PLA2R1: variants seen among roughly 807,000 people sequenced by gnomAD.
PLA2R1 encodes the protein secretory phospholipase A2 receptor.
A neutral mutation model predicts 195.9 loss-of-function variants in PLA2R1; 158 were observed. The ratio of observed to expected loss-of-function variants is 0.81; its 90% CI spans 0.71 to 0.92. PLA2R1 has a LOEUF of 0.92. PLA2R1 is among the 40% of genes least tolerant of loss of function. The pLI, the probability that PLA2R1 is intolerant of heterozygous loss-of-function variation, is 0.00. For synonymous variants in PLA2R1, 586 were observed against 598.2 expected (o/e 0.98, Z 0.30); for missense variants, 1,626 against 1,764.6 (o/e 0.92, Z 1.41).
intron 16 of PLA2R1, 132 bp from the exon 17 acceptor site, chr2:159,976,357 C>CAG: frequency 1.6e-6 from 1 of 638,674 alleles, no homozygotes. Flanking sequence ...AACACACACA[C>CAG]ACAGACACAT....
chr2:160,053,243 T>C (rs911083650), intron 1 of PLA2R1, among the ~76,000 whole-genome samples: 2 of 151,928 alleles, frequency 1.3e-5, no homozygotes, highest in African/African-American at 4.8e-5. Flanking sequence ...CTTATGAGTA[T>C]ACCAGTCATA....
intron 11 of PLA2R1, 84 bp downstream of exon 11, chr2:160,005,568 A>G: frequency 8.9e-7 from 1 of 1,119,350 alleles, no homozygotes. Context: ...ATTAAGAAAG[A>G]ATCAAAGGAG....
intron 28 of PLA2R1, among the ~76,000 whole-genome samples, chr2:159,943,775 A>C (rs1432429683): frequency 6.6e-6 from 1 of 150,896 alleles, no homozygotes; most frequent in Non-Finnish European, 1.5e-5. Context: ...ACTTGGGCAC[A>C]TTATTTATCA....
chr2:159,974,489 T>C (rs1399105425), intron 17 of PLA2R1, among the ~76,000 whole-genome samples: 6 of 152,168 alleles, frequency 3.9e-5, no homozygotes, highest in African/African-American at 4.8e-5. Context: ...TCTTTTTGGG[T>C]TGTATACTTT....
chr2:159,975,575 G>C (rs1363591209), intron 17 of PLA2R1, among the ~76,000 whole-genome samples: 2 of 152,010 alleles, frequency 1.3e-5, no homozygotes, highest in Admixed American at 6.6e-5. Context: ...CACCCCCCCA[G>C]GTATTCCTCA....
chr2:159,986,084 G>C (rs1398490036), intron 12 of PLA2R1, among the ~76,000 whole-genome samples: 1 of 152,006 alleles, frequency 6.6e-6, no homozygotes, highest in Admixed American at 6.6e-5. Flanking sequence ...CCTGAGCCTT[G>C]GGGGAATGGC....
At chr2:159,924,507 G>A in the PLA2R1 span, among the ~76,000 whole-genome samples, 1 of 152,114 alleles carries the variant, frequency 6.6e-6, no homozygotes, top group Non-Finnish European at 1.5e-5. Context: ...TGTCAGGAAA[G>A]GTGTTCAAAG....
rs3749117 is a variant in PLA2R1 at position 160,028,931 on chromosome 2, T to C, written c.874A>G (p.Met292Val). 0.45 allele frequency: 713,194 copies of C among 1,590,182 alleles called. 171,426 individuals are homozygous for C. The highest frequency in any genetic ancestry group is 0.5 in the Non-Finnish European group (578,803 of 1,157,796). ...TGTTCATCCAGCTGATTGAGGCCCATCCACACCTCCACTGTTTTACTGCTC... is the reference window on the plus strand; with the variant it reads ...TGTTCATCCAGCTGATTGAGGCCCACCCACACCTCCACTGTTTTACTGCTC... ...HMSSKTVEVWMGLNQLDEHAG... is the reference protein window; with the variant it reads ...HMSSKTVEVWVGLNQLDEHAG... Residue 292 changes from methionine to valine, a missense_variant, in exon 5 of 30, where the codon ATG becomes GTG. Coordinates refer to ENST00000283243, the MANE Select transcript of PLA2R1 (RefSeq NM_007366.5).
intron 1 of PLA2R1, among the ~76,000 whole-genome samples, chr2:160,061,064 CAAAA>C (rs985029178): frequency 2.0e-5 from 3 of 152,200 alleles, no homozygotes; most frequent in African/African-American, 7.2e-5. Context: ...AAGACTACCT[CAAAA>C]ATGTAGACAT....
intron 1 of PLA2R1, 88 bp from the exon 2 acceptor site, chr2:160,045,245 A>G (rs1271541732): frequency 2.0e-6 from 2 of 1,020,284 alleles, no homozygotes; most frequent in Non-Finnish European, 2.9e-6. Flanking sequence ...TCTAAGTGCG[A>G]TATGCGACAG....
chr2:160,058,778 C>T (rs1379260122), intron 1 of PLA2R1, among the ~76,000 whole-genome samples: 1 of 152,112 alleles, frequency 6.6e-6, no homozygotes, highest in Admixed American at 6.5e-5. Flanking sequence ...AGCAAAGGTC[C>T]CCCACCTTTT....
intron 8 of PLA2R1, among the ~76,000 whole-genome samples, chr2:160,018,667 A>AACAT (rs1193255129): frequency 1.5e-5 from 2 of 135,106 alleles, no homozygotes; most frequent in African/African-American, 5.3e-5. Flanking sequence ...CAAACAAACA[A>AACAT]ACATTGTGGT....
At chr2:159,947,177 T>C (rs1182955227) in intron 26 of PLA2R1, among the ~76,000 whole-genome samples, 1 of 152,220 alleles carries the variant, frequency 6.6e-6, no homozygotes, top group East Asian at 1.9e-4. Context: ...AGGAACGTTT[T>C]CTTCAGAAAG....
intron 11 of PLA2R1, among the ~76,000 whole-genome samples, chr2:159,994,144 C>CA (rs569048899): frequency 6.7e-4 from 92 of 138,330 alleles, no homozygotes; most frequent in East Asian, 4.2e-3. Flanking sequence ...AGTGATCTTT[C>CA]AAAAAAAAAA....
intron 1 of PLA2R1, among the ~76,000 whole-genome samples, chr2:160,061,404 C>A (rs563352259): frequency 6.6e-6 from 1 of 152,186 alleles, no homozygotes; most frequent in South Asian, 2.1e-4. Flanking sequence ...CGTTTTTCCA[C>A]TGAGAGAGAC....
intron 23 of PLA2R1, among the ~76,000 whole-genome samples, chr2:159,954,947 A>G (rs1687986883): frequency 6.6e-6 from 1 of 152,230 alleles, no homozygotes; most frequent in Admixed American, 6.5e-5. Flanking sequence ...GCCATTTAAT[A>G]TGACTAAGAT....
intron 6 of PLA2R1, among the ~76,000 whole-genome samples, chr2:160,024,582 G>C (rs576908434): frequency 6.6e-6 from 1 of 152,176 alleles, no homozygotes; most frequent in Non-Finnish European, 1.5e-5. Flanking sequence ...TGCTTTAGCT[G>C]CCCAAAGCAG....
chr2:159,999,754 G>GA (rs551094569), intron 11 of PLA2R1, among the ~76,000 whole-genome samples: 64 of 152,158 alleles, frequency 4.2e-4, no homozygotes, highest in African/African-American at 1.5e-3. Flanking sequence ...GTTATAGAAA[G>GA]AAAAAATTTT....
chr2:160,043,356 G>C (rs1257061720), intron 2 of PLA2R1, among the ~76,000 whole-genome samples: 1 of 152,104 alleles, frequency 6.6e-6, no homozygotes, highest in Non-Finnish European at 1.5e-5. Context: ...ATGCAGACGT[G>C]GCCTGCTGGC....
Sources: gnomAD v4.1 joint callset for allele counts (sites outside exome capture counted in the v4.1 genomes callset) on GRCh38, gnomAD v4.1.1 for gene constraint, MANE v1.5 for transcripts, NCBI Gene and HGNC (gene_info 2026-07-23, HGNC 2026-07-21) for gene names.